The following MICAL2 variants were observed in gnomAD, a reference collection of about 807,000 sequenced individuals.
MICAL2 encodes the protein microtubule associated monooxygenase, calponin and LIM domain containing 2, also known as [F-actin]-monooxygenase MICAL2.
Under a neutral mutation model 127.3 loss-of-function variants are expected in MICAL2, and 77 were observed. The ratio of observed to expected loss-of-function variants is 0.60; its 90% CI spans 0.50 to 0.73. The LOEUF (loss-of-function observed/expected upper bound fraction) is 0.73. Ranked by LOEUF, MICAL2 falls within the 30% of genes least tolerant of loss-of-function variation. MICAL2 has a pLI of 0.00. For missense variants in MICAL2, 1,351 were observed against 1,434.4 expected, an observed-to-expected ratio of 0.94 and a Z score of 0.94; for synonymous variants, 570 against 551.1, an observed-to-expected ratio of 1.03 and a Z score of -0.48.
intron 29 of MICAL2, among the ~76,000 whole-genome samples, chr11:12,309,989 A>T (rs1324031772): frequency 6.6e-6 from 1 of 152,074 alleles, no homozygotes; most frequent in Non-Finnish European, 1.5e-5. Context: ...TTTAATAAAT[A>T]TCTATTCAGG....
At chr11:12,301,514 C>T (rs902477002) in intron 29 of MICAL2, among the ~76,000 whole-genome samples, 4 of 152,128 alleles carry the variant, frequency 2.6e-5, no homozygotes, top group African/African-American at 9.7e-5. Context: ...TTGAGTATTG[C>T]TAAAGATAAA....
At chr11:12,165,270 G>A (rs1321167366) in intron 3 of MICAL2, among the ~76,000 whole-genome samples, 1 of 152,168 alleles carries the variant, frequency 6.6e-6, no homozygotes, top group East Asian at 1.9e-4. Flanking sequence ...ACATTCATGT[G>A]TGGGTGGTTA....
chr11:12,239,041 T>C (rs2706632), intron 16 of MICAL2, among the ~76,000 whole-genome samples: 13,478 of 152,242 alleles, frequency 0.089, 992 homozygotes, highest in East Asian at 0.36. Flanking sequence ...AGCCAGATGA[T>C]GTATTTTTGA....
At position 12,162,381 on chromosome 11, in the gene MICAL2, A is replaced by C; in HGVS notation, c.226A>C (p.Lys76Gln). 7 of 1,614,256 alleles carry C rather than the reference A, an allele frequency of 4.3e-6. No homozygotes were observed. The highest frequency in any genetic ancestry group is 5.9e-6 in the Non-Finnish European group (7 of 1,180,044). Residue 76 changes from lysine (K) to glutamine (Q), a missense_variant, in exon 3 of 28, where the codon AAA becomes CAA. Around this residue, in one of 2 missense-constraint regions of MICAL2, gnomAD observed 599 missense variants for 714.9 expected, o/e 0.84. Coordinates refer to ENST00000683283, the MANE Select transcript of MICAL2 (RefSeq NM_001282663.2). ...CAAATTGGATAAGCGTGGTTCCCACAAAGAGTATAAGCGAGGGAAGTCGTG... is the reference window on the plus strand; with the variant it reads ...CAAATTGGATAAGCGTGGTTCCCACCAAGAGTATAAGCGAGGGAAGTCGTG... ...WYKLDKRGSH[K>Q]EYKRGKSCTN...
chr11:12,314,768 G>A (rs548189653), intron 29 of MICAL2, among the ~76,000 whole-genome samples: 1 of 151,332 alleles, frequency 6.6e-6, no homozygotes, highest in Non-Finnish European at 1.5e-5. Context: ...TTACAGATTT[G>A]AGTCACCTTG....
chr11:12,354,953 G>A (rs1939109118), intron 34 of MICAL2: 3 of 1,163,194 alleles, frequency 2.6e-6, no homozygotes, highest in Admixed American at 2.2e-5. Flanking sequence ...CTTCCTGCCT[G>A]CCAGCCTGCA....
intron 21 of MICAL2, among the ~76,000 whole-genome samples, 198 bp from the exon 22 acceptor site, chr11:12,248,986 C>T (rs957645355): frequency 1.4e-4 from 22 of 152,156 alleles, no homozygotes; most frequent in African/African-American, 5.1e-4. Flanking sequence ...AGTTTGTGAA[C>T]CTCTCTGAGC....
At chr11:12,286,363 G>C (rs2134773398) in intron 2 of MICAL2, among the ~76,000 whole-genome samples, 1 of 152,302 alleles carries the variant, frequency 6.6e-6, no homozygotes, top group African/African-American at 2.4e-5. Context: ...TACATATATG[G>C]AACATTGATG....
At chr11:12,328,067 G>T (rs1311064196) in intron 32 of MICAL2, among the ~76,000 whole-genome samples, 1 of 152,182 alleles carries the variant, frequency 6.6e-6, no homozygotes, top group African/African-American at 2.4e-5. Flanking sequence ...TGATGCTTAA[G>T]TTAACACATT....
At chr11:12,193,283 A>G (rs1277673788) in intron 3 of MICAL2, among the ~76,000 whole-genome samples, 1 of 152,220 alleles carries the variant, frequency 6.6e-6, no homozygotes, top group Non-Finnish European at 1.5e-5. Flanking sequence ...GTAGAATAGC[A>G]TGGTAGCCTT....
At chr11:12,155,421 T>G (rs2133755841) in intron 2 of MICAL2, among the ~76,000 whole-genome samples, 1 of 152,264 alleles carries the variant, frequency 6.6e-6, no homozygotes, top group South Asian at 2.1e-4. Flanking sequence ...ATACCATATA[T>G]ACACAAACAT....
At chr11:12,303,072 G>A (rs894516603) in intron 29 of MICAL2, among the ~76,000 whole-genome samples, 1 of 152,138 alleles carries the variant, frequency 6.6e-6, no homozygotes, top group Non-Finnish European at 1.5e-5. Flanking sequence ...AAACCATCAG[G>A]TCTGTGAGAC....
chr11:12,239,023 C>T (rs941265954), intron 16 of MICAL2, among the ~76,000 whole-genome samples: 3 of 152,214 alleles, frequency 2.0e-5, no homozygotes, highest in Non-Finnish European at 4.4e-5. Context: ...TGCTCTTCTC[C>T]TCTTCTCAGC....
intron 32 of MICAL2, among the ~76,000 whole-genome samples, chr11:12,334,866 G>T (rs1938721404): frequency 6.6e-6 from 1 of 151,858 alleles, no homozygotes; most frequent in African/African-American, 2.4e-5. Flanking sequence ...TGGACATTTG[G>T]GTTGGTTCCA....
chr11:12,255,546 G>T, intron 22 of MICAL2, 97 bp from the exon 23 acceptor site: 1 of 1,057,804 alleles, frequency 9.5e-7, no homozygotes, highest in South Asian at 1.4e-5. Context: ...ATGTGGGTGA[G>T]GAGCCCTCTC....
intron 7 of MICAL2, among the ~76,000 whole-genome samples, chr11:12,213,826 C>T (rs949195164): frequency 6.6e-6 from 1 of 152,200 alleles, no homozygotes; most frequent in African/African-American, 2.4e-5. Flanking sequence ...GGGAGCCAGT[C>T]ACCTATGGAT....
intron 2 of MICAL2, among the ~76,000 whole-genome samples, chr11:12,154,947 A>G (rs1853994966): frequency 6.6e-6 from 1 of 152,022 alleles, no homozygotes; most frequent in Admixed American, 6.5e-5. Flanking sequence ...ATTTCACAGC[A>G]CCCCTACTAG....
downstream of MICAL2, among the ~76,000 whole-genome samples, chr11:12,291,162 G>A (rs796159398): frequency 6.6e-6 from 1 of 152,182 alleles, no homozygotes; most frequent in Non-Finnish European, 1.5e-5. Context: ...GTTCATGGGA[G>A]AGCTGGTTGG....
At chr11:12,179,433 A>G (rs1857189927) in intron 3 of MICAL2, among the ~76,000 whole-genome samples, 1 of 152,092 alleles carries the variant, frequency 6.6e-6, no homozygotes, top group Non-Finnish European at 1.5e-5. Context: ...CCACTGCCCA[A>G]AACTGTCCCA....
Sources: allele counts gnomAD v4.1 joint callset (sites outside exome capture counted in the v4.1 genomes callset), GRCh38; gene constraint gnomAD v4.1.1; regional missense constraint gnomAD v4.1.1; transcripts MANE v1.5; gene names NCBI Gene and HGNC (gene_info 2026-07-23, HGNC 2026-07-21).